DCX: variants seen among roughly 807,000 people sequenced by gnomAD.
DCX encodes the protein neuronal migration protein doublecortin.
A neutral mutation model predicts 20.9 loss-of-function variants in DCX; 4 were observed. The ratio of observed to expected loss-of-function variants is 0.19; its 90% CI spans 0.09 to 0.44. The LOEUF (loss-of-function observed/expected upper bound fraction) is 0.44, where lower values mean the gene tolerates loss of function less well. Ranked by LOEUF, DCX falls within the 20% of genes least tolerant of loss-of-function variation. DCX has a pLI of 0.99. For synonymous variants in DCX, 103 were observed against 111.4 expected (o/e 0.92, Z 0.47); for missense variants, 133 against 296.9 (o/e 0.45, Z 4.06).
chrX:111,342,381 A>ATATATATATATATATC (rs1251823448), intron 3 of DCX, among the ~76,000 whole-genome samples: 1 of 73,394 alleles, frequency 1.4e-5, no homozygotes, highest in Non-Finnish European at 2.5e-5. Flanking sequence ...ATATATATAT[A>ATATATATATATATATC]TCCATCCAAT....
chrX:111,408,860 G>A (rs1255191532), intron 2 of DCX, among the ~76,000 whole-genome samples: 2 of 111,552 alleles, frequency 1.8e-5, no homozygotes, highest in Non-Finnish European at 3.8e-5. Context: ...CCTTTGTCTA[G>A]GAACACAAGA....
At chrX:111,409,925 G>A (rs1189740349) in intron 2 of DCX, 110 bp downstream of exon 2, 4 of 1,020,469 alleles carry the variant, frequency 3.9e-6, no homozygotes, top group Admixed American at 2.2e-5. Flanking sequence ...CAATCAACCC[G>A]GTGTTTTGAA....
Position 111,335,854 on chromosome X carries a change from T to C in DCX, c.706-2701A>G, listed in dbSNP as rs773753531. ...CCAGCTACTGGGGGTGCGGGGGAGC[T>C]GAGGCAGGAGAATTGCTCGAACCTG... is the stretch of plus-strand genomic sequence containing the variant. On this transcript the variant is annotated intron_variant, in intron 3 of 6. Coordinates refer to ENST00000636035, the MANE Select transcript of DCX (RefSeq NM_001195553.2). Among the ~76,000 whole-genome samples the C allele has an allele frequency of 1.0e-4, 11 of 109,971 alleles. 1 individual carries two copies. Among genetic ancestry groups the C allele is most frequent in the Middle Eastern group, 4.6e-3 (1 of 217 alleles).
chrX:111,302,753 C>T (rs1257191682), intron 6 of DCX, among the ~76,000 whole-genome samples: 2 of 112,229 alleles, frequency 1.8e-5, no homozygotes, highest in Non-Finnish European at 3.8e-5. Context: ...ATCTGTATTT[C>T]TTCCTCAATT....
Position 111,349,858 on chromosome X carries a change from T to C in DCX, c.706-16705A>G, listed in dbSNP as rs371304044. On this transcript the variant is annotated intron_variant, in intron 3 of 6. Coordinates refer to ENST00000636035, the MANE Select transcript of DCX (RefSeq NM_001195553.2). The stretch of plus-strand genomic sequence containing the variant: ...AGTGGATAAATTGAGTGGAGTTTAC[T>C]AAAGGGGATTGATTACAAAAGTATG... 1.6e-4 allele frequency among the ~76,000 whole-genome samples: 18 copies of C among 111,411 alleles called. No homozygotes were observed. In the East Asian group the frequency reaches 4.0e-3, roughly 25 times the overall value.
intron 3 of DCX, among the ~76,000 whole-genome samples, chrX:111,389,246 G>A (rs903891211): frequency 1.8e-5 from 2 of 111,233 alleles, no homozygotes; most frequent in Middle Eastern, 4.7e-3. Flanking sequence ...ACGGCTGCCC[G>A]CACCTGCCTT....
chrX:111,330,547 C>T (rs1216084034), intron 5 of DCX, among the ~76,000 whole-genome samples: 5 of 111,527 alleles, frequency 4.5e-5, no homozygotes, highest in African/African-American at 6.5e-5. Flanking sequence ...TTTTTATATT[C>T]TTTTTCTTGA....
chrX:111,349,770 G>A (rs1284170231), intron 3 of DCX, among the ~76,000 whole-genome samples: 2 of 111,719 alleles, frequency 1.8e-5, no homozygotes, highest in African/African-American at 3.3e-5. Context: ...AAGAAAGAAC[G>A]AGTTCTCATG....
intron 5 of DCX, among the ~76,000 whole-genome samples, chrX:111,327,070 C>A: frequency 8.9e-6 from 1 of 111,914 alleles, no homozygotes; most frequent in African/African-American, 3.2e-5. Context: ...CTGAACCCAG[C>A]CAATGTTTCA....
At chrX:111,317,069 A>C (rs1346057835) in intron 5 of DCX, among the ~76,000 whole-genome samples, 2 of 112,362 alleles carry the variant, frequency 1.8e-5, no homozygotes, top group African/African-American at 6.5e-5. Context: ...AACTAGGGAA[A>C]ACTATTTTAA....
chrX:111,405,875 T>G (rs1233399654), intron 2 of DCX, among the ~76,000 whole-genome samples: 1 of 110,774 alleles, frequency 9.0e-6, no homozygotes, highest in African/African-American at 3.3e-5. Flanking sequence ...TGATCCAAAA[T>G]GCTTCCCTTG....
chrX:111,331,197 G>A (rs756973375), intron 4 of DCX, among the ~76,000 whole-genome samples, 156 bp from the exon 5 acceptor site: 3 of 111,674 alleles, frequency 2.7e-5, no homozygotes, highest in South Asian at 3.8e-4. Flanking sequence ...ATGGTTCTGG[G>A]GAGGGAGGCA....
chrX:111,368,855 A>C (rs1291101135), intron 3 of DCX, among the ~76,000 whole-genome samples: 1 of 109,061 alleles, frequency 9.2e-6, no homozygotes, highest in African/African-American at 3.4e-5. Context: ...GGATTAATCA[A>C]GGTTCTCTAG....
intron 5 of DCX, among the ~76,000 whole-genome samples, chrX:111,316,030 G>A: frequency 1.6e-5 from 1 of 61,874 alleles, no homozygotes; most frequent in South Asian, 1.2e-3. Context: ...GTATACATAT[G>A]TAACTAACCT....
At chrX:111,314,294 C>T (rs765801032) in intron 5 of DCX, among the ~76,000 whole-genome samples, 2 of 111,948 alleles carry the variant, frequency 1.8e-5, no homozygotes, top group African/African-American at 3.2e-5. Context: ...ATGAGCCAAA[C>T]AAAGTGTTAG....
rs141756986 is a variant in DCX at position 111,309,275 on chromosome X, G to T, written c.1044+3364C>A. Among the ~76,000 whole-genome samples, 272 of 112,386 alleles carry T rather than the reference G, an allele frequency of 2.4e-3. 2 individuals carry two copies. The highest frequency in any genetic ancestry group is 8.4e-3 in the African/African-American group (259 of 30,974). On this transcript the variant is annotated intron_variant, in intron 6 of 6. Coordinates refer to ENST00000636035, the MANE Select transcript of DCX (RefSeq NM_001195553.2). ...CATCAAAAATTACCAAAGGGATGCTGGGACTTCAAGTTTTTTCCAGTTGTG... is the reference window on the plus strand; with the variant it reads ...CATCAAAAATTACCAAAGGGATGCTTGGACTTCAAGTTTTTTCCAGTTGTG...
Position 111,332,970 on chromosome X carries a change from A to C in DCX, c.808+81T>G, listed in dbSNP as rs1921388925. 29 of 745,778 alleles carry C rather than the reference A, an allele frequency of 3.9e-5. No homozygotes were observed. In the South Asian group the frequency reaches 5.6e-4, roughly 14 times the overall value. The allele number at this position is 745,778 out of a possible 1,213,427, so 61.5% of individuals were successfully genotyped here. A position where few individuals can be genotyped will look rare whatever the true frequency, so the allele number is the denominator to read the frequency against. Reference sequence around the variant, plus strand: ...GAAGGATCATGCATAGATGTTTTCCACACCATACAAACCCATGGAAATCCT... The same window carrying C: ...GAAGGATCATGCATAGATGTTTTCCCCACCATACAAACCCATGGAAATCCT... On this transcript the variant is annotated intron_variant, in intron 4 of 6. Transcript: ENST00000636035.
In DCX at chrX:111,397,771, A is replaced by G. The variant is rs998186783; in HGVS notation, c.705+3219T>C. Among the ~76,000 whole-genome samples the G allele has an allele frequency of 7.8e-5, 8 of 102,311 alleles. No homozygotes were observed. The East Asian group carries it at 2.6e-3, about 33-fold the overall frequency. The allele number at this position is 102,311 out of a possible 115,157, so 88.8% of individuals were successfully genotyped here. On this transcript the variant is annotated intron_variant, in intron 3 of 6. Coordinates refer to ENST00000636035, the MANE Select transcript of DCX (RefSeq NM_001195553.2). ...GCACTCTGTGCATGTGTGTGTGTGTATATCTACATATATGTGTGTGTGTAT... is the reference window on the plus strand; with the variant it reads ...GCACTCTGTGCATGTGTGTGTGTGTGTATCTACATATATGTGTGTGTGTAT...
intron 3 of DCX, among the ~76,000 whole-genome samples, chrX:111,392,967 C>G (rs1047854996): frequency 9.0e-6 from 1 of 110,607 alleles, no homozygotes; most frequent in Middle Eastern, 4.3e-3. Flanking sequence ...GAACAATAGC[C>G]CATTTTAGCT....
Sources: gnomAD v4.1 joint callset for allele counts (sites outside exome capture counted in the v4.1 genomes callset) on GRCh38, gnomAD v4.1.1 for gene constraint, MANE v1.5 for transcripts, NCBI Gene and HGNC (gene_info 2026-07-23, HGNC 2026-07-21) for gene names.